The following EIF3M variants were observed in gnomAD, a reference collection of about 807,000 sequenced individuals.
The protein encoded by EIF3M is B5 receptor.
In EIF3M, 25 loss-of-function variants were observed where a neutral mutation model predicts 49.7. The observed-to-expected ratio is 0.50, with a 90% CI of 0.37 to 0.70. The LOEUF (loss-of-function observed/expected upper bound fraction) is 0.70. Ranked by LOEUF, EIF3M falls within the 30% of genes least tolerant of loss-of-function variation. EIF3M has a pLI of 0.00. For synonymous variants in EIF3M, 156 were observed against 149.8 expected (o/e 1.04, Z -0.30); for missense variants, 350 against 440.0 (o/e 0.80, Z 1.83).
At chr11:32,601,895 A>AGAG (rs920699761) in intron 10 of EIF3M, 73 bp downstream of exon 10, 7 of 1,506,772 alleles carry the variant, frequency 4.6e-6, no homozygotes, top group Middle Eastern at 1.8e-4. Context: ...TTAAATGTTT[A>AGAG]GAGAACCAAG....
At chr11:32,596,122 CAGCA>C in intron 8 of EIF3M, 75 bp downstream of exon 8, 2 of 1,156,256 alleles carry the variant, frequency 1.7e-6, no homozygotes, top group South Asian at 3.4e-5. Flanking sequence ...CTATGTGTTC[CAGCA>C]AGTATGGCTG....
intron 5 of EIF3M, among the ~76,000 whole-genome samples, chr11:32,589,880 A>G (rs1855073283): frequency 6.6e-6 from 1 of 152,240 alleles, no homozygotes; most frequent in South Asian, 2.1e-4. Flanking sequence ...AAAAAAAGAA[A>G]GGTGGGGCCT....
chr11:32,585,238 G>C lies in EIF3M; in HGVS notation c.42+1309G>C, dbSNP rs145268944. 6.6e-3 allele frequency among the ~76,000 whole-genome samples: 1,009 copies of C among 152,260 alleles called. 5 individuals are homozygous for C. Among genetic ancestry groups the C allele is most frequent in the Admixed American group, 0.011 (172 of 15,290 alleles). Reference sequence around the variant, plus strand: ...TGAAAGACAAAAAGATACCTGATTAGAAATGGAAGCATGTTACCAACAGTT... The same window carrying C: ...TGAAAGACAAAAAGATACCTGATTACAAATGGAAGCATGTTACCAACAGTT... On this transcript the variant is annotated intron_variant, in intron 1 of 10. Coordinates refer to ENST00000531120, the MANE Select transcript of EIF3M (RefSeq NM_006360.6).
intron 8 of EIF3M, among the ~76,000 whole-genome samples, chr11:32,597,024 A>G (rs1466367473): frequency 6.6e-6 from 1 of 152,206 alleles, no homozygotes; most frequent in African/African-American, 2.4e-5. Flanking sequence ...GTAAAGTTAT[A>G]TCAACAATCG....
chr11:32,601,501 T>TAAAAAA (rs60498109), intron 9 of EIF3M: 1 of 216,458 alleles, frequency 4.6e-6, no homozygotes, highest in Non-Finnish European at 8.8e-6. Flanking sequence ...TAGCATTCTT[T>TAAAAAA]AAAAAAAAAA....
In EIF3M at chr11:32,600,885, T is replaced by C; in HGVS notation, c.943+53T>C. The stretch of plus-strand genomic sequence containing the variant: ...TTTCTAGAATTTCTCATCTACTACA[T>C]GGATCATAGTAAGATTTTTATCTGG... On this transcript the variant is annotated intron_variant, in intron 9 of 10. Coordinates refer to ENST00000531120, the MANE Select transcript of EIF3M (RefSeq NM_006360.6). 8 of 1,529,054 alleles carry C rather than the reference T, an allele frequency of 5.2e-6. No individual in the cohort carries two copies. In the South Asian group the frequency reaches 1.1e-4, roughly 21 times the overall value. 94.7% of individuals were successfully genotyped at this position (1,529,054 alleles called of 1,614,324 possible). A position where few individuals can be genotyped will look rare whatever the true frequency, so the allele number is the denominator to read the frequency against.
chr11:32,602,407 T>G lies in EIF3M; in HGVS notation c.*8T>G. 6.2e-7 allele frequency: 1 copy of G among 1,604,436 alleles called. No individual in the cohort carries two copies. Among genetic ancestry groups the G allele is most frequent in the Admixed American group, 1.7e-5 (1 of 58,180 alleles). On this transcript the variant is annotated 3_prime_UTR_variant, in exon 11 of 11. Transcript: ENST00000531120. ...AGTCTTTCTGATACCTGAGTTTTTA[T>G]GCTTATAATTTTTGTTCTTTGAAAA... is the stretch of plus-strand genomic sequence containing the variant.
chr11:32,588,388 G>GA (rs71463359), intron 2 of EIF3M, among the ~76,000 whole-genome samples: 1,483 of 92,604 alleles, frequency 0.016, 25 homozygotes, highest in African/African-American at 0.023. Flanking sequence ...GACTTCATCT[G>GA]AAAAAAAAAA....
At chr11:32,597,769 G>A (rs951825763) in intron 8 of EIF3M, among the ~76,000 whole-genome samples, 1 of 152,000 alleles carries the variant, frequency 6.6e-6, no homozygotes, top group Non-Finnish European at 1.5e-5. Flanking sequence ...CTCCTACTAG[G>A]CAATAATCAA....
In EIF3M at chr11:32,602,439, C is replaced by A; in HGVS notation, c.*40C>A. On this transcript the variant is annotated 3_prime_UTR_variant, in exon 11 of 11. Coordinates refer to ENST00000531120, the MANE Select transcript of EIF3M (RefSeq NM_006360.6). ...AATTTTTGTTCTTTGAAAAAAAAGC[C>A]CTAAATCATAGTAAAACATTATAAA... 1.3e-6 allele frequency: 2 copies of A among 1,592,300 alleles called. No homozygotes were observed. The highest frequency in any genetic ancestry group is 8.6e-7 in the Non-Finnish European group (1 of 1,169,532).
rs992276778 is a variant in EIF3M, at chr11:32,603,167, G to A, written c.*768G>A. ...CCTTAGTAGTTCTGGCACCAGAAAAGTATACAATGTGAATGTGTAGGCTTA... is the reference window on the plus strand; with the variant it reads ...CCTTAGTAGTTCTGGCACCAGAAAAATATACAATGTGAATGTGTAGGCTTA... On this transcript the variant is annotated 3_prime_UTR_variant, in exon 11 of 11. Coordinates refer to ENST00000531120, the MANE Select transcript of EIF3M (RefSeq NM_006360.6). 1 of 612,016 alleles carries A rather than the reference G, an allele frequency of 1.6e-6. No homozygotes were observed. Among genetic ancestry groups the A allele is most frequent in the African/African-American group, 1.9e-5 (1 of 53,910 alleles). 37.9% of individuals were successfully genotyped at this position (612,016 alleles called of 1,614,324 possible). A position where few individuals can be genotyped will look rare whatever the true frequency, so the allele number is the denominator to read the frequency against.
intron 1 of EIF3M, among the ~76,000 whole-genome samples, chr11:32,586,528 C>T (rs1189670277): frequency 6.6e-6 from 1 of 152,200 alleles, no homozygotes; most frequent in African/African-American, 2.4e-5. Context: ...AATAGCTTCT[C>T]AACTGATTAA....
At chr11:32,601,222 T>C (rs1855257478) in intron 9 of EIF3M, 1 of 157,288 alleles carries the variant, frequency 6.4e-6, no homozygotes, top group Non-Finnish European at 1.4e-5. Context: ...TAAGTGATCT[T>C]TCAAGTGTTA....
intron 1 of EIF3M, 94 bp from the exon 2 acceptor site, chr11:32,586,918 A>G: frequency 6.9e-7 from 1 of 1,439,908 alleles, no homozygotes; most frequent in Non-Finnish European, 9.3e-7. Flanking sequence ...TGTTGAATAC[A>G]GTATTTCCGT....
chr11:32,597,208 T>C (rs1296664641), intron 8 of EIF3M, among the ~76,000 whole-genome samples: 1 of 152,244 alleles, frequency 6.6e-6, no homozygotes, highest in Non-Finnish European at 1.5e-5. Flanking sequence ...GGTACTTTAT[T>C]AAGCTAAACA....
At chr11:32,589,415 A>C (rs1234650727) in intron 4 of EIF3M, 132 bp from the exon 5 acceptor site, 2 of 925,376 alleles carry the variant, frequency 2.2e-6, no homozygotes, top group Non-Finnish European at 3.2e-6. Context: ...ACTTCAGTTG[A>C]TCCTCCTGCC....
At chr11:32,594,057 C>A in intron 6 of EIF3M, 108 bp downstream of exon 6, 2 of 658,938 alleles carry the variant, frequency 3.0e-6, no homozygotes, top group Non-Finnish European at 2.3e-6. Context: ...TGATCCAGAG[C>A]CATTTGATAG....
At chr11:32,588,063 T>C (rs979546522) in intron 2 of EIF3M, among the ~76,000 whole-genome samples, 3 of 152,222 alleles carry the variant, frequency 2.0e-5, no homozygotes, top group African/African-American at 7.2e-5. Flanking sequence ...AAACTTTATA[T>C]ACATGTAAAT....
chr11:32,598,197 G>C (rs1160488585), intron 8 of EIF3M, among the ~76,000 whole-genome samples: 2 of 152,148 alleles, frequency 1.3e-5, no homozygotes, highest in Non-Finnish European at 2.9e-5. Flanking sequence ...CCCCATTGAT[G>C]TGTAATTGAC....
Sources: gnomAD v4.1 joint callset for allele counts (sites outside exome capture counted in the v4.1 genomes callset) on GRCh38, gnomAD v4.1.1 for gene constraint, MANE v1.5 for transcripts, NCBI Gene and HGNC (gene_info 2026-07-23, HGNC 2026-07-21) for gene names.